Variants in OTUD7A observed in about 807,000 individuals in gnomAD.
The protein encoded by OTUD7A is OTU deubiquitinase 7A.
In OTUD7A, 12 loss-of-function variants were observed where a neutral mutation model predicts 65.7. The ratio of observed to expected loss-of-function variants is 0.18; its 90% CI spans 0.12 to 0.30. The LOEUF (loss-of-function observed/expected upper bound fraction) is 0.30. Ranked by LOEUF, OTUD7A falls within the 10% of genes least tolerant of loss-of-function variation. OTUD7A has a pLI of 1.00. For missense variants in OTUD7A, 1,148 were observed against 1,304.8 expected (o/e 0.88, Z 1.85); for synonymous variants, 641 against 586.3 (o/e 1.09, Z -1.35).
At chr15:31,573,721 C>T (rs920499309) in intron 3 of OTUD7A, among the ~76,000 whole-genome samples, 4 of 152,016 alleles carry the variant, frequency 2.6e-5, no homozygotes, top group South Asian at 2.1e-4. Context: ...GCCAACATGG[C>T]GAAACCCTGT....
intron 5 of OTUD7A, among the ~76,000 whole-genome samples, chr15:31,552,163 C>A (rs1888345906): frequency 6.6e-6 from 1 of 152,184 alleles, no homozygotes; most frequent in Non-Finnish European, 1.5e-5. Flanking sequence ...TCTGCTTCCC[C>A]TTCCCCTTCT....
At chr15:31,531,698 G>A (rs1189128647) in intron 5 of OTUD7A, among the ~76,000 whole-genome samples, 3 of 152,090 alleles carry the variant, frequency 2.0e-5, no homozygotes. Flanking sequence ...AAGTTCTAGT[G>A]AGAAGCCTAG....
intron 5 of OTUD7A, among the ~76,000 whole-genome samples, chr15:31,554,756 A>G (rs1227396135): frequency 6.6e-6 from 1 of 152,212 alleles, no homozygotes; most frequent in East Asian, 1.9e-4. Context: ...CCCAACCCAG[A>G]GACCCCGGTC....
At chr15:31,635,230 C>T (rs1297356687) in intron 3 of OTUD7A, among the ~76,000 whole-genome samples, 2 of 152,170 alleles carry the variant, frequency 1.3e-5, no homozygotes, top group Admixed American at 1.3e-4. Context: ...GTTTTGACCC[C>T]AAGTAGCCCC....
chr15:31,800,215 G>C (rs935093953), intron 1 of OTUD7A, among the ~76,000 whole-genome samples: 1 of 152,136 alleles, frequency 6.6e-6, no homozygotes. Context: ...AGCTCACCAA[G>C]TAGGAGCTTT....
At chr15:31,869,282 C>T (rs1207846959) in intron 1 of OTUD7A, among the ~76,000 whole-genome samples, 1 of 152,196 alleles carries the variant, frequency 6.6e-6, no homozygotes, top group Non-Finnish European at 1.5e-5. Context: ...GTGGGACACA[C>T]GGCTGCTGGG....
chr15:31,537,333 C>A (rs1462638264), intron 5 of OTUD7A, among the ~76,000 whole-genome samples: 2 of 152,152 alleles, frequency 1.3e-5, no homozygotes, highest in East Asian at 1.9e-4. Context: ...AATAACTGCG[C>A]CCTTAATTCT....
At chr15:31,604,196 A>G (rs1890167788) in intron 3 of OTUD7A, among the ~76,000 whole-genome samples, 1 of 152,358 alleles carries the variant, frequency 6.6e-6, no homozygotes, top group African/African-American at 2.4e-5. Flanking sequence ...AACCAGCCCA[A>G]ATGTCCACCA....
At chr15:31,634,551 C>T (rs1891280812) in intron 3 of OTUD7A, among the ~76,000 whole-genome samples, 1 of 152,226 alleles carries the variant, frequency 6.6e-6, no homozygotes, top group Non-Finnish European at 1.5e-5. Flanking sequence ...CTGTCAAGGC[C>T]TTCCTTCACG....
At chr15:31,730,854 A>G (rs1894022193) in intron 1 of OTUD7A, among the ~76,000 whole-genome samples, 1 of 152,212 alleles carries the variant, frequency 6.6e-6, no homozygotes, top group Non-Finnish European at 1.5e-5. Flanking sequence ...TCAGTGATGG[A>G]CATGATGGAG....
Position 31,478,350 on chromosome 15 carries a change from A to C in OTUD7A, c.*4944T>G, listed in dbSNP as rs958533038. On this transcript the variant is annotated 3_prime_UTR_variant, in exon 13 of 13. Coordinates refer to ENST00000307050, the MANE Select transcript of OTUD7A (RefSeq NM_001382637.1). Reference sequence around the variant, plus strand: ...CTTATGTTAAACTAACAAATTATGTATATATATATCCTTGATATGCTCTTT... The same window carrying C: ...CTTATGTTAAACTAACAAATTATGTCTATATATATCCTTGATATGCTCTTT... 6 of 151,994 alleles carry C rather than the reference A, an allele frequency of 3.9e-5. No homozygotes were observed. Among genetic ancestry groups the C allele is most frequent in the Non-Finnish European group, 8.8e-5 (6 of 67,954 alleles). 9.4% of individuals were successfully genotyped at this position (151,994 alleles called of 1,614,324 possible).
At chr15:31,840,409 G>A (rs1897155388) in intron 1 of OTUD7A, among the ~76,000 whole-genome samples, 1 of 152,016 alleles carries the variant, frequency 6.6e-6, no homozygotes, top group Non-Finnish European at 1.5e-5. Context: ...CTGCACTCCA[G>A]CCTGGGCAAT....
chr15:31,779,941 T>G (rs993700252), intron 1 of OTUD7A, among the ~76,000 whole-genome samples: 3 of 152,084 alleles, frequency 2.0e-5, no homozygotes, highest in African/African-American at 7.2e-5. Context: ...GGTAAGGGCT[T>G]TTGGAGTCTT....
chr15:31,779,023 T>C (rs1287526005), intron 1 of OTUD7A, among the ~76,000 whole-genome samples: 2 of 152,214 alleles, frequency 1.3e-5, no homozygotes, highest in Admixed American at 6.5e-5. Flanking sequence ...ACTTGATGAA[T>C]GTGAAACATT....
At chr15:31,519,232 A>G (rs2041906221) in intron 8 of OTUD7A, among the ~76,000 whole-genome samples, 1 of 152,176 alleles carries the variant, frequency 6.6e-6, no homozygotes, top group South Asian at 2.1e-4. Context: ...ATAAGAAATT[A>G]TCAGTTATTT....
At chr15:31,648,252 T>C (rs1891736608) in intron 3 of OTUD7A, among the ~76,000 whole-genome samples, 3 of 152,128 alleles carry the variant, frequency 2.0e-5, no homozygotes, top group African/African-American at 7.2e-5. Context: ...TCCAGGTACC[T>C]AGCCAGCACT....
chr15:31,575,024 C>T (rs892123846), intron 3 of OTUD7A, among the ~76,000 whole-genome samples: 3 of 152,214 alleles, frequency 2.0e-5, no homozygotes, highest in African/African-American at 7.2e-5. Flanking sequence ...GGCTCTTGCT[C>T]TGGTTTTCCT....
chr15:31,669,674 C>T (rs1246418335), intron 1 of OTUD7A, among the ~76,000 whole-genome samples: 1 of 152,186 alleles, frequency 6.6e-6, no homozygotes, highest in Non-Finnish European at 1.5e-5. Context: ...AGGCTTCTCA[C>T]CCAGTTCAAA....
chr15:31,861,852 A>C (rs549809393), intron 1 of OTUD7A, among the ~76,000 whole-genome samples: 1 of 152,358 alleles, frequency 6.6e-6, no homozygotes, highest in East Asian at 1.9e-4. Flanking sequence ...CAAAGGACCC[A>C]CATCCTTCCT....
Sources: gnomAD v4.1 joint callset for allele counts (sites outside exome capture counted in the v4.1 genomes callset) on GRCh38, gnomAD v4.1.1 for gene constraint, MANE v1.5 for transcripts, NCBI Gene and HGNC (gene_info 2026-07-23, HGNC 2026-07-21) for gene names.